The following NTRK3 variants were observed in gnomAD, a reference collection of about 807,000 sequenced individuals.
The protein encoded by NTRK3 is neurotrophic receptor tyrosine kinase 3.
In NTRK3, 24 loss-of-function variants were observed where a neutral mutation model predicts 91.7. The observed-to-expected ratio is 0.26, with a 90% CI of 0.19 to 0.37. NTRK3 has a LOEUF of 0.37. Among genes scored for constraint, NTRK3 ranks in the 10% least tolerant of loss-of-function variants. The pLI, the probability that NTRK3 is intolerant of heterozygous loss-of-function variation, is 1.00. For synonymous variants in NTRK3, 483 were observed against 404.0 expected (o/e 1.20, Z -2.34); for missense variants, 880 against 1,068.9 (o/e 0.82, Z 2.46).
At chr15:87,909,794 G>C (rs148649190) in intron 17 of NTRK3, among the ~76,000 whole-genome samples, 5 of 152,306 alleles carry the variant, frequency 3.3e-5, no homozygotes, top group Non-Finnish European at 7.4e-5. Flanking sequence ...AAGAGATTAG[G>C]ACACAAACCA....
At chr15:88,028,625 G>A (rs945458439) in intron 14 of NTRK3, among the ~76,000 whole-genome samples, 6 of 152,100 alleles carry the variant, frequency 3.9e-5, no homozygotes, top group African/African-American at 9.7e-5. Flanking sequence ...GACCCAGACT[G>A]GGAAGGCTGG....
At chr15:88,028,621 G>C (rs1056602414) in intron 14 of NTRK3, among the ~76,000 whole-genome samples, 1 of 152,114 alleles carries the variant, frequency 6.6e-6, no homozygotes, top group Admixed American at 6.5e-5. Flanking sequence ...TGCAGACCCA[G>C]ACTGGGAAGG....
intron 13 of NTRK3, among the ~76,000 whole-genome samples, chr15:88,036,634 C>T (rs113951175): frequency 5.3e-5 from 8 of 152,120 alleles, no homozygotes; most frequent in Admixed American, 2.0e-4. Flanking sequence ...GTGTCTGGAG[C>T]GAGAGATTAC....
chr15:87,990,214 C>T (rs1473551618), intron 14 of NTRK3, among the ~76,000 whole-genome samples: 1 of 152,160 alleles, frequency 6.6e-6, no homozygotes, highest in Non-Finnish European at 1.5e-5. Context: ...CTCAGGCTCA[C>T]AGGTTCCTAT....
At chr15:88,051,727 A>C (rs2080843413) in intron 13 of NTRK3, among the ~76,000 whole-genome samples, 1 of 152,072 alleles carries the variant, frequency 6.6e-6, no homozygotes, top group African/African-American at 2.4e-5. Context: ...AATTCTAGTA[A>C]AGTAAAAAAG....
chr15:88,151,392 G>A (rs1175418526), intron 5 of NTRK3, among the ~76,000 whole-genome samples: 4 of 152,126 alleles, frequency 2.6e-5, no homozygotes, highest in Admixed American at 6.6e-5. Context: ...CCTGAGGAAC[G>A]ACAGAGCTGA....
intron 14 of NTRK3, among the ~76,000 whole-genome samples, chr15:87,959,394 G>A (rs1317041361): frequency 1.3e-5 from 2 of 152,152 alleles, no homozygotes; most frequent in African/African-American, 2.4e-5. Flanking sequence ...ACAGGCTCCT[G>A]TGACTCTCTG....
At chr15:88,140,614 T>C (rs1206554121) in intron 6 of NTRK3, among the ~76,000 whole-genome samples, 1 of 152,204 alleles carries the variant, frequency 6.6e-6, no homozygotes, top group Admixed American at 6.5e-5. Flanking sequence ...GATGTAAAAC[T>C]CCAGAATACA....
At chr15:88,029,706 C>T (rs1336916570) in intron 14 of NTRK3, among the ~76,000 whole-genome samples, 3 of 152,212 alleles carry the variant, frequency 2.0e-5, no homozygotes. Context: ...AAAGGAGTGA[C>T]CCTGGCCTTA....
intron 14 of NTRK3, among the ~76,000 whole-genome samples, chr15:87,941,508 G>A (rs1405479136): frequency 6.6e-6 from 1 of 151,292 alleles, no homozygotes; most frequent in Admixed American, 6.6e-5. Context: ...AAGACACATT[G>A]GTTTTTGTGG....
intron 3 of NTRK3, among the ~76,000 whole-genome samples, chr15:88,225,177 A>C (rs2050568098): frequency 6.6e-6 from 1 of 152,102 alleles, no homozygotes; most frequent in African/African-American, 2.4e-5. Flanking sequence ...CCCAAGATGA[A>C]ACTAAAAGGG....
At chr15:87,895,183 GACTTGT>G (rs2066050738) in intron 17 of NTRK3, among the ~76,000 whole-genome samples, 1 of 152,170 alleles carries the variant, frequency 6.6e-6, no homozygotes, top group Non-Finnish European at 1.5e-5. Flanking sequence ...GAAAAGCAAT[GACTTGT>G]CCAAGTCACT....
intron 17 of NTRK3, among the ~76,000 whole-genome samples, chr15:87,886,683 TATATATATATATATATAC>T (rs1331523523): frequency 7.2e-6 from 1 of 139,050 alleles, no homozygotes; most frequent in African/African-American, 2.7e-5. Context: ...TTGCTATATA[TATATATATATATATATAC>T]ATATATACAC....
chr15:88,234,587 G>T lies in NTRK3; in HGVS notation c.248+21319C>A, dbSNP rs998514590. ...TTGCTAGTGCCTGCTCATCCCTCCA[G>T]TTCCAGCTCAGTTGCCCCTTCCTCT... On this transcript the variant is annotated intron_variant, in intron 3 of 18. Transcript: ENST00000394480. This position sits in a 1 kb window ranked among gnomAD's most constrained non-coding sequence, Gnocchi z 6.1. Among the ~76,000 whole-genome samples the T allele has an allele frequency of 6.6e-6, 1 of 152,078 alleles. No individual in the cohort carries two copies. Among genetic ancestry groups the T allele is most frequent in the African/African-American group, 2.4e-5 (1 of 41,398 alleles).
At chr15:87,998,515 G>A (rs1017324681) in intron 14 of NTRK3, among the ~76,000 whole-genome samples, 15 of 152,360 alleles carry the variant, frequency 9.8e-5, no homozygotes, top group South Asian at 2.1e-4. Flanking sequence ...GGGAGCTCTC[G>A]TGCAAACAAG....
At chr15:87,929,022 A>C in intron 17 of NTRK3, 169 bp downstream of exon 17, 1 of 839,368 alleles carries the variant, frequency 1.2e-6, no homozygotes, top group Non-Finnish European at 1.9e-6. Flanking sequence ...CATAATAAAC[A>C]GGTATGTCAA....
At chr15:87,902,925 C>T (rs960909797) in intron 17 of NTRK3, among the ~76,000 whole-genome samples, 2 of 152,132 alleles carry the variant, frequency 1.3e-5, no homozygotes, top group African/African-American at 4.8e-5. Flanking sequence ...CCTTCCCCAC[C>T]CTACATGTCT....
intron 5 of NTRK3, among the ~76,000 whole-genome samples, chr15:88,157,602 C>A (rs753143422): frequency 6.6e-6 from 1 of 151,932 alleles, no homozygotes; most frequent in Non-Finnish European, 1.5e-5. Context: ...CAAACCTTCA[C>A]GTCTCTGCGC....
chr15:88,072,149 G>GCACC (rs1300491042), intron 13 of NTRK3, among the ~76,000 whole-genome samples: 1 of 151,832 alleles, frequency 6.6e-6, no homozygotes, highest in African/African-American at 2.4e-5. Flanking sequence ...GGGATTACAG[G>GCACC]CACCGCCACC....
Sources: gnomAD v4.1 joint callset for allele counts (sites outside exome capture counted in the v4.1 genomes callset) on GRCh38, gnomAD v4.1.1 for gene constraint, Gnocchi (gnomAD v3.1) non-coding constraint, MANE v1.5 for transcripts, NCBI Gene and HGNC (gene_info 2026-07-23, HGNC 2026-07-21) for gene names.